PCDHAC2: variants seen among roughly 807,000 people sequenced by gnomAD.
The protein encoded by PCDHAC2 is protocadherin alpha-C2.
PCDHAC2 carries 24 observed loss-of-function variants against 63.3 expected under a neutral mutation model. The observed-to-expected ratio is 0.38, with a 90% CI of 0.27 to 0.53. The LOEUF (loss-of-function observed/expected upper bound fraction) is 0.53. Ranked by LOEUF, PCDHAC2 falls within the 20% of genes least tolerant of loss-of-function variation. The probability of loss-of-function intolerance (pLI) is 0.81; values close to 1 mark genes in which losing one functional copy is unlikely to be tolerated. For missense variants in PCDHAC2, 1,181 were observed against 1,275.2 expected (o/e 0.93, Z 1.12); for synonymous variants, 569 against 529.4 (o/e 1.07, Z -1.03).
At chr5:140,996,832 T>G (rs1338616787) in intron 3 of PCDHAC2, among the ~76,000 whole-genome samples, 1 of 152,212 alleles carries the variant, frequency 6.6e-6, no homozygotes, top group African/African-American at 2.4e-5. Flanking sequence ...TACCAATAAT[T>G]TAGCGTGCAT....
chr5:140,985,739 C>CTTTTT (rs11372071), intron 3 of PCDHAC2, among the ~76,000 whole-genome samples: 4 of 117,922 alleles, frequency 3.4e-5, no homozygotes, highest in East Asian at 2.5e-4. Flanking sequence ...TGATGAATTC[C>CTTTTT]TTTTTTTTTT....
Position 140,966,973 on chromosome 5 carries a change from G to T in PCDHAC2, c.207G>T (p.Leu69=). 1 of 1,603,054 alleles carries T rather than the reference G, an allele frequency of 6.2e-7. No individual in the cohort carries two copies. The change falls in exon 1 of 4, where the codon CTG becomes CTT. Residue 69 remains leucine (L), a synonymous_variant. Coordinates refer to ENST00000289269, the MANE Select transcript of PCDHAC2 (RefSeq NM_018899.6). ...GNVARALGLE[L]RRLGPGCLRI... is the part of the protein sequence containing the mutation. ...TGGCTCGCGCGCTGGGGCTTGAGCT[G>T]CGGCGCTTGGGGCCGGGTTGCTTGC...
At chr5:140,973,720 A>G (rs781883210) in intron 1 of PCDHAC2, among the ~76,000 whole-genome samples, 1 of 152,194 alleles carries the variant, frequency 6.6e-6, no homozygotes, top group Non-Finnish European at 1.5e-5. Flanking sequence ...GAGCCATCAC[A>G]TGGGCATCTG....
chr5:141,011,182 G>T lies in PCDHAC2; in HGVS notation c.*1245G>T, dbSNP rs887034679. On this transcript the variant is annotated 3_prime_UTR_variant, in exon 4 of 4. Coordinates refer to ENST00000289269, the MANE Select transcript of PCDHAC2 (RefSeq NM_018899.6). ...TATATATCAAGACCCAAAAATTGAA[G>T]AAAAATATTGTTTTCTCATACAGTG... 1.3e-5 allele frequency: 2 copies of T among 153,494 alleles called. No individual in the cohort carries two copies. Among genetic ancestry groups the T allele is most frequent in the Admixed American group, 6.6e-5 (1 of 15,254 alleles). The allele number at this position is 153,494 out of a possible 1,614,324, so 9.5% of individuals were successfully genotyped here.
At position 140,966,787 on chromosome 5, in the gene PCDHAC2, A is replaced by G. The variant is rs781920865; in HGVS notation, c.21A>G (p.Arg7=). ...TGGCTATGGAGCAGGCGGGCACCAG[A>G]CCTGCGGCGACAGAGCATCCACGGC... MEQAGT[R]PAATEHPRLR... The change falls in exon 1 of 4, where the codon AGA becomes AGG. Residue 7 remains arginine, a synonymous_variant. Transcript: ENST00000289269. 6.5e-7 allele frequency: 1 copy of G among 1,526,816 alleles called. No individual in the cohort carries two copies. The highest frequency in any genetic ancestry group is 1.4e-5 in the African/African-American group (1 of 73,136). 94.6% of individuals were successfully genotyped at this position (1,526,816 alleles called of 1,614,324 possible). A position where few individuals can be genotyped will look rare whatever the true frequency, so the allele number is the denominator to read the frequency against.
chr5:141,003,453 A>T (rs2098125483), intron 3 of PCDHAC2, among the ~76,000 whole-genome samples: 1 of 152,126 alleles, frequency 6.6e-6, no homozygotes, highest in East Asian at 1.9e-4. Flanking sequence ...ATGAAATTAC[A>T]GGCGTGCACC....
At chr5:140,989,619 TC>T (rs2097351060) in intron 3 of PCDHAC2, among the ~76,000 whole-genome samples, 1 of 152,196 alleles carries the variant, frequency 6.6e-6, no homozygotes. Flanking sequence ...TGAAAGTCTG[TC>T]CTAGTGACAG....
At chr5:141,004,303 T>C (rs2098161196) in intron 3 of PCDHAC2, among the ~76,000 whole-genome samples, 2 of 152,178 alleles carry the variant, frequency 1.3e-5, no homozygotes, top group South Asian at 4.1e-4. Context: ...GATGTTTGTT[T>C]TATACAACAA....
intron 3 of PCDHAC2, among the ~76,000 whole-genome samples, chr5:140,985,909 T>C (rs1421545707): frequency 6.6e-6 from 1 of 151,912 alleles, no homozygotes; most frequent in Non-Finnish European, 1.5e-5. Flanking sequence ...CCGTCTAATT[T>C]TTTGTATTTT....
rs1554229282 is a variant in PCDHAC2 at position 140,967,174 on chromosome 5, G to A, written c.408G>A (p.Val136=). 6.2e-7 allele frequency: 1 copy of A among 1,611,892 alleles called. No individual in the cohort carries two copies. Among genetic ancestry groups the A allele is most frequent in the Non-Finnish European group, 8.5e-7 (1 of 1,178,562 alleles). The part of the protein sequence containing the change: ...HNPVAVSAVE[V]EILDINDNSP... ...CCGTGGCGGTGAGCGCCGTTGAGGT[G>A]GAAATATTGGACATCAACGACAACT... Residue 136 remains valine (V), a synonymous_variant, in exon 1 of 4, where the codon GTG becomes GTA. Transcript: ENST00000289269.
chr5:140,987,936 T>C lies in PCDHAC2; in HGVS notation c.2713+5373T>C, dbSNP rs80117115. Among the ~76,000 whole-genome samples the C allele has an allele frequency of 7.9e-3, 1,205 of 152,348 alleles. 20 individuals are homozygous for C. Among genetic ancestry groups the C allele is most frequent in the African/African-American group, 0.027 (1,136 of 41,570 alleles). On this transcript the variant is annotated intron_variant, in intron 3 of 3. Coordinates refer to ENST00000289269, the MANE Select transcript of PCDHAC2 (RefSeq NM_018899.6). ...TATTCTTAATTGTCTCAAGGATTCT[T>C]ACCTGTCTGACAAAACCAACTCCCC...
chr5:140,999,180 GAGA>G (rs1554256675), intron 3 of PCDHAC2, among the ~76,000 whole-genome samples: 1 of 152,238 alleles, frequency 6.6e-6, no homozygotes, highest in East Asian at 1.9e-4. Context: ...GCCTGATGGG[GAGA>G]GGGTCCTTGG....
At chr5:141,005,315 G>A (rs1554259986) in intron 3 of PCDHAC2, among the ~76,000 whole-genome samples, 1 of 152,186 alleles carries the variant, frequency 6.6e-6, no homozygotes, top group Non-Finnish European at 1.5e-5. Flanking sequence ...TCTTACAGTG[G>A]TAGAGAATAA....
At chr5:140,999,524 C>T (rs1367103048) in intron 3 of PCDHAC2, among the ~76,000 whole-genome samples, 1 of 152,026 alleles carries the variant, frequency 6.6e-6, no homozygotes, top group Non-Finnish European at 1.5e-5. Context: ...ATTTTGTTAC[C>T]CCCTGGATAT....
chr5:140,967,843 T>C lies in PCDHAC2; in HGVS notation c.1077T>C (p.Asn359=), dbSNP rs782701780. The C allele has an allele frequency of 1.9e-6, 3 of 1,614,102 alleles. No individual in the cohort carries two copies. The highest frequency in any genetic ancestry group is 3.3e-5 in the Admixed American group (2 of 60,024). The change falls in exon 1 of 4, where the codon AAT becomes AAC. Residue 359 remains asparagine (N), a synonymous_variant. Transcript: ENST00000289269. ...CKVLVDIVDV[N]DNAPEVVLTD... ...TGCTGGTGGACATCGTGGACGTGAA[T>C]GACAATGCCCCAGAGGTGGTGCTCA...
intron 3 of PCDHAC2, among the ~76,000 whole-genome samples, chr5:141,003,860 G>T (rs1224171720): frequency 6.6e-6 from 1 of 152,136 alleles, no homozygotes; most frequent in African/African-American, 2.4e-5. Flanking sequence ...ATTTATATGT[G>T]TCTGAAATCC....
chr5:141,004,346 G>C (rs2098162740), intron 3 of PCDHAC2, among the ~76,000 whole-genome samples: 1 of 152,212 alleles, frequency 6.6e-6, no homozygotes, highest in Non-Finnish European at 1.5e-5. Context: ...GTCTGTGAGG[G>C]ACTGGAGAGA....
At position 141,010,044 on chromosome 5, in the gene PCDHAC2, G is replaced by C; in HGVS notation, c.*107G>C. Reference sequence around the variant, plus strand: ...TTTCCTATCTACATGAGCCCTCTTAGAGACCTCAGAAATCTGCAGAAAGTT... The same window carrying C: ...TTTCCTATCTACATGAGCCCTCTTACAGACCTCAGAAATCTGCAGAAAGTT... On this transcript the variant is annotated 3_prime_UTR_variant, in exon 4 of 4. Coordinates refer to ENST00000289269, the MANE Select transcript of PCDHAC2 (RefSeq NM_018899.6). 1.3e-6 allele frequency: 2 copies of C among 1,594,604 alleles called. No individual in the cohort carries two copies. Among genetic ancestry groups the C allele is most frequent in the Non-Finnish European group, 1.7e-6 (2 of 1,171,226 alleles).
At chr5:141,000,395 C>CTATATA (rs1190667031) in intron 3 of PCDHAC2, among the ~76,000 whole-genome samples, 4 of 53,980 alleles carry the variant, frequency 7.4e-5, no homozygotes, top group East Asian at 6.1e-4. Context: ...CTCTCTCTCT[C>CTATATA]TATATATATA....
Sources: allele counts gnomAD v4.1 joint callset (sites outside exome capture counted in the v4.1 genomes callset), GRCh38; gene constraint gnomAD v4.1.1; transcripts MANE v1.5; gene names NCBI Gene and HGNC (gene_info 2026-07-23, HGNC 2026-07-21).